The following GATM variants were observed in gnomAD, a reference collection of about 807,000 sequenced individuals.
GATM encodes glycine amidinotransferase, mitochondrial.
GATM carries 23 observed loss-of-function variants against 54.2 expected under a neutral mutation model. That is an observed-to-expected ratio of 0.42 (90% confidence interval 0.31 to 0.60). GATM has a LOEUF of 0.60. GATM is among the 20% of genes least tolerant of loss of function. The pLI, the probability that GATM is intolerant of heterozygous loss-of-function variation, is 0.14. For missense variants in GATM, 401 were observed against 544.9 expected, an observed-to-expected ratio of 0.74 and a Z score of 2.63; for synonymous variants, 168 against 183.1, an observed-to-expected ratio of 0.92 and a Z score of 0.67.
upstream of GATM, among the ~76,000 whole-genome samples, chr15:45,382,895 T>C (rs1182713050): frequency 6.6e-6 from 1 of 152,184 alleles, no homozygotes; most frequent in African/African-American, 2.4e-5. Context: ...TTTCCCTTCT[T>C]AATGTTCTCT....
intron 6 of GATM, among the ~76,000 whole-genome samples, chr15:45,365,199 C>A (rs1440788308): frequency 6.6e-6 from 1 of 152,100 alleles, no homozygotes; most frequent in Non-Finnish European, 1.5e-5. Flanking sequence ...TATTTAGTTA[C>A]AAGAAAACAA....
Position 45,369,520 on chromosome 15 carries a change from G to C in GATM, c.290C>G (p.Ala97Gly). Residue 97 changes from alanine (A) to glycine (G), a missense_variant and splice_region_variant, in exon 3 of 9, where the codon GCC becomes GGC. Around this residue, in one of 3 missense-constraint regions of GATM, gnomAD observed 321 missense variants for 457.5 expected, o/e 0.70. Coordinates refer to ENST00000396659, the MANE Select transcript of GATM (RefSeq NM_001482.3). ...TGGCCAGTACTTTTCATATGTGTTG[G>C]CCTGGAAGTAGAAGCAAATAAACAC... ...CVPPFTIEVK[A>G]NTYEKYWPFY... The C allele has an allele frequency of 6.2e-7, 1 of 1,613,606 alleles. No individual in the cohort carries two copies. The highest frequency in any genetic ancestry group is 1.1e-5 in the South Asian group (1 of 91,034).
At chr15:45,377,115 C>T (rs1238869554) in intron 1 of GATM, 22 of 475,960 alleles carry the variant, frequency 4.6e-5, no homozygotes, top group Non-Finnish European at 7.6e-5. Flanking sequence ...TCTCAGAATG[C>T]AATTCCTGCA....
At chr15:45,366,344 G>A (rs1000343408) in intron 5 of GATM, 27 bp downstream of exon 5, 1 of 1,613,698 alleles carries the variant, frequency 6.2e-7, no homozygotes, top group African/African-American at 1.3e-5. Flanking sequence ...AATATAGTGT[G>A]AAATTTCAGA....
chr15:45,370,407 G>GA (rs5812295), intron 2 of GATM, among the ~76,000 whole-genome samples: 38 of 144,888 alleles, frequency 2.6e-4, no homozygotes, highest in Admixed American at 4.1e-4. Flanking sequence ...AAAAGAAAAA[G>GA]AAAAAAAAAA....
At chr15:45,384,952 C>T (rs1889788486) in intron 3 of GATM, among the ~76,000 whole-genome samples, 2 of 152,184 alleles carry the variant, frequency 1.3e-5, no homozygotes, top group Admixed American at 6.5e-5. Context: ...CCATGATCCT[C>T]CTGCCTCAGC....
intron 2 of GATM, among the ~76,000 whole-genome samples, chr15:45,398,750 C>CA (rs1203804265): frequency 6.6e-6 from 1 of 152,062 alleles, no homozygotes; most frequent in Non-Finnish European, 1.5e-5. Context: ...TGCTAATGTT[C>CA]AAATATATTA....
intron 3 of GATM, among the ~76,000 whole-genome samples, chr15:45,384,355 C>T (rs1260469540): frequency 6.6e-6 from 1 of 152,144 alleles, no homozygotes; most frequent in Admixed American, 6.5e-5. Flanking sequence ...ACAAACTGAA[C>T]TTATGTGGGT....
Position 45,401,324 on chromosome 15 carries a change from G to GA in GATM, c.-530+614dup, listed in dbSNP as rs539316209. 4.7e-3 allele frequency among the ~76,000 whole-genome samples: 704 copies of GA among 148,284 alleles called. 4 individuals carry two copies. Among genetic ancestry groups the GA allele is most frequent in the African/African-American group, 0.012 (503 of 40,554 alleles). On this transcript the variant is annotated intron_variant, in intron 1 of 4. Transcript: ENST00000561148. ...CTGTAATTGATTATTTGCATAGATA[G>GA]AAAAAAAAAACTTCCCAGCAACTTA...
At chr15:45,372,833 G>A (rs573898413) in intron 2 of GATM, among the ~76,000 whole-genome samples, 5 of 152,320 alleles carry the variant, frequency 3.3e-5, no homozygotes, top group African/African-American at 9.6e-5. Context: ...GGCACAATAC[G>A]TTTTACAAGA....
At chr15:45,399,403 G>A (rs80036032) in intron 2 of GATM, 1,650 of 152,306 alleles carry the variant, frequency 0.011, 13 homozygotes, top group Middle Eastern at 0.024. Flanking sequence ...AGGAGTCAGG[G>A]CCTTTTGGGA....
chr15:45,380,324 T>C (rs1425397307), upstream of GATM, among the ~76,000 whole-genome samples: 1 of 151,472 alleles, frequency 6.6e-6, no homozygotes, highest in Non-Finnish European at 1.5e-5. Context: ...AATGCCATAA[T>C]ATGGTGAAAG....
At chr15:45,377,214 A>C (rs1317783676) in intron 1 of GATM, 1 of 490,772 alleles carries the variant, frequency 2.0e-6, no homozygotes. Context: ...CGCCAGTCTC[A>C]GCTGGGGACG....
chr15:45,378,020 T>C, intron 1 of GATM: 1 of 209,270 alleles, frequency 4.8e-6, no homozygotes, highest in Non-Finnish European at 9.5e-6. Flanking sequence ...GGAGCCTCCG[T>C]CGTCCCAACC....
At chr15:45,385,349 C>CA (rs1417629875) in intron 3 of GATM, among the ~76,000 whole-genome samples, 2 of 151,806 alleles carry the variant, frequency 1.3e-5, no homozygotes, top group Non-Finnish European at 2.9e-5. Flanking sequence ...TCTAAAGCCT[C>CA]AAAAAAATGC....
intron 2 of GATM, among the ~76,000 whole-genome samples, chr15:45,371,031 C>G (rs1490487253): frequency 1.3e-5 from 2 of 152,182 alleles, no homozygotes; most frequent in Non-Finnish European, 1.5e-5. Flanking sequence ...CGTCGGCCCC[C>G]CAAAGGGCTG....
intron 4 of GATM, among the ~76,000 whole-genome samples, chr15:45,366,722 A>G (rs1023998801): frequency 6.6e-6 from 1 of 152,256 alleles, no homozygotes; most frequent in Admixed American, 6.5e-5. Context: ...ATTTCCTGAT[A>G]CAACAGTCCT....
intron 2 of GATM, among the ~76,000 whole-genome samples, chr15:45,370,438 C>A (rs1387376035): frequency 1.3e-5 from 2 of 150,868 alleles, no homozygotes; most frequent in Non-Finnish European, 3.0e-5. Context: ...TTTTCCCATT[C>A]AACAGAATTA....
At chr15:45,364,730 A>T in intron 7 of GATM, 67 bp downstream of exon 7, 1 of 1,418,758 alleles carries the variant, frequency 7.0e-7, no homozygotes. Context: ...GCTGCTCTCT[A>T]TAGGAGAAAG....
Sources: allele counts gnomAD v4.1 joint callset (sites outside exome capture counted in the v4.1 genomes callset), GRCh38; gene constraint gnomAD v4.1.1; regional missense constraint gnomAD v4.1.1; transcripts MANE v1.5; gene names NCBI Gene and HGNC (gene_info 2026-07-23, HGNC 2026-07-21).